The following SOX6 variants were observed in gnomAD, a reference collection of about 807,000 sequenced individuals.
SOX6 encodes the protein transcription factor SOX-6.
In SOX6, 11 loss-of-function variants were observed where a neutral mutation model predicts 97.8. The observed-to-expected ratio is 0.11, with a 90% CI of 0.07 to 0.19. The LOEUF (loss-of-function observed/expected upper bound fraction) is 0.19, where lower values mean the gene tolerates loss of function less well. Among genes scored for constraint, SOX6 ranks in the 10% least tolerant of loss-of-function variants. The pLI is 1.00. For synonymous variants in SOX6, 360 were observed against 371.4 expected, an observed-to-expected ratio of 0.97 and a Z score of 0.35; for missense variants, 810 against 1,039.5, an observed-to-expected ratio of 0.78 and a Z score of 3.04.
intron 3 of SOX6, among the ~76,000 whole-genome samples, chr11:16,640,074 G>C (rs917787188): frequency 2.0e-5 from 3 of 152,162 alleles, no homozygotes; most frequent in African/African-American, 4.8e-5. Flanking sequence ...ATTATTTTGA[G>C]ATACGTCCCA....
intron 2 of SOX6, among the ~76,000 whole-genome samples, chr11:16,329,745 G>T (rs923021297): frequency 1.3e-5 from 2 of 152,166 alleles, no homozygotes; most frequent in Admixed American, 1.3e-4. Flanking sequence ...AATGGTGGTG[G>T]TTACAATTTC....
intron 3 of SOX6, chr11:16,312,000 G>C (rs1474571687): frequency 1.3e-5 from 2 of 152,090 alleles, no homozygotes; most frequent in East Asian, 3.9e-4. Flanking sequence ...ATAATCCATT[G>C]GAAAGCCTGT....
intron 3 of SOX6, among the ~76,000 whole-genome samples, chr11:16,633,961 C>A (rs1419725033): frequency 2.6e-5 from 4 of 152,092 alleles, no homozygotes; most frequent in Non-Finnish European, 4.4e-5. Context: ...TCATAATGAT[C>A]AAGATTCAAT....
At chr11:16,647,556 C>G (rs910512969) in intron 3 of SOX6, among the ~76,000 whole-genome samples, 3 of 152,170 alleles carry the variant, frequency 2.0e-5, no homozygotes, top group African/African-American at 7.2e-5. Context: ...TGTGGAGACT[C>G]ACACCCTGAT....
At chr11:16,518,283 T>A (rs1172864236) in intron 4 of SOX6, among the ~76,000 whole-genome samples, 1 of 152,118 alleles carries the variant, frequency 6.6e-6, no homozygotes, top group African/African-American at 2.4e-5. Context: ...TGTTCCTTCC[T>A]CAAAGCAAGT....
intron 1 of SOX6, among the ~76,000 whole-genome samples, chr11:16,379,764 C>T (rs1318163569): frequency 6.6e-6 from 1 of 151,832 alleles, no homozygotes; most frequent in African/African-American, 2.4e-5. Flanking sequence ...GAAATAATTA[C>T]AGATGTGTGC....
chr11:16,500,843 A>C (rs1300637379), intron 4 of SOX6, among the ~76,000 whole-genome samples: 1 of 152,210 alleles, frequency 6.6e-6, no homozygotes, highest in Non-Finnish European at 1.5e-5. Context: ...TTCCATGCTC[A>C]TGGGTAGGAA....
At chr11:16,638,019 C>T (rs576939030) in intron 3 of SOX6, among the ~76,000 whole-genome samples, 2 of 149,320 alleles carry the variant, frequency 1.3e-5, no homozygotes, top group Admixed American at 6.8e-5. Flanking sequence ...CCCATTAAAT[C>T]GTCATTTACA....
chr11:16,072,575 T>C (rs1848251630), intron 9 of SOX6, among the ~76,000 whole-genome samples: 1 of 152,104 alleles, frequency 6.6e-6, no homozygotes, highest in African/African-American at 2.4e-5. Context: ...TGGCCAAAAT[T>C]CGAATCCAGG....
chr11:16,079,418 A>G (rs16932526), intron 9 of SOX6, among the ~76,000 whole-genome samples: 70 of 152,358 alleles, frequency 4.6e-4, no homozygotes, highest in African/African-American at 1.7e-3. Context: ...TTGGAAATGA[A>G]CATGCTTATT....
intron 1 of SOX6, among the ~76,000 whole-genome samples, chr11:16,404,623 TAAG>T (rs2134447006): frequency 6.6e-6 from 1 of 151,940 alleles, no homozygotes; most frequent in African/African-American, 2.4e-5. Flanking sequence ...TTACCTAAAA[TAAG>T]AAGAAACACA....
chr11:16,634,026 A>T (rs555094107), intron 3 of SOX6, among the ~76,000 whole-genome samples: 14 of 152,326 alleles, frequency 9.2e-5, no homozygotes, highest in Admixed American at 7.2e-4. Flanking sequence ...TCTAGAGAAA[A>T]GATGATCAAC....
chr11:16,522,154 G>A (rs1362705825), intron 4 of SOX6, among the ~76,000 whole-genome samples: 2 of 152,036 alleles, frequency 1.3e-5, no homozygotes, highest in African/African-American at 4.8e-5. Context: ...TCCTCAAGAA[G>A]AGCAACTCCA....
At chr11:16,066,039 T>C (rs544506746) in intron 9 of SOX6, among the ~76,000 whole-genome samples, 2 of 152,264 alleles carry the variant, frequency 1.3e-5, no homozygotes, top group East Asian at 1.9e-4. Flanking sequence ...ATAACTAGAA[T>C]ATATAAGGAG....
intron 1 of SOX6, chr11:16,465,904 T>C (rs971932698): frequency 1.3e-5 from 2 of 152,140 alleles, no homozygotes; most frequent in Non-Finnish European, 2.9e-5. Flanking sequence ...ACATAACAAG[T>C]TTTAAGTCCT....
chr11:16,030,091 A>C (rs1410938797), intron 12 of SOX6, among the ~76,000 whole-genome samples: 7 of 152,190 alleles, frequency 4.6e-5, no homozygotes. Context: ...CTGAATATTA[A>C]AATGTCACTT....
At chr11:16,107,314 A>T (rs1849112227) in intron 7 of SOX6, among the ~76,000 whole-genome samples, 1 of 150,828 alleles carries the variant, frequency 6.6e-6, no homozygotes, top group Admixed American at 6.6e-5. Context: ...TATTATTCAT[A>T]ATAGCCAAAA....
upstream of SOX6, among the ~76,000 whole-genome samples, chr11:16,480,722 C>A (rs531142439): frequency 8.8e-5 from 13 of 148,436 alleles, no homozygotes; most frequent in South Asian, 2.1e-4. Context: ...GATTAAATGA[C>A]CTTACAGCCC....
chr11:16,570,157 A>T (rs6486298), intron 4 of SOX6, among the ~76,000 whole-genome samples: 39,656 of 151,942 alleles, frequency 0.26, 5,871 homozygotes, highest in East Asian at 0.48. Context: ...ATTCTTTCTC[A>T]TCTTGAAGGT....
Sources: allele counts gnomAD v4.1 joint callset (sites outside exome capture counted in the v4.1 genomes callset), GRCh38; gene constraint gnomAD v4.1.1; transcripts MANE v1.5; gene names NCBI Gene and HGNC (gene_info 2026-07-23, HGNC 2026-07-21).